RNFT2: variants seen among roughly 807,000 people sequenced by gnomAD.
The protein encoded by RNFT2 is ring finger protein, transmembrane 2.
RNFT2 carries 36 observed loss-of-function variants against 53.0 expected under a neutral mutation model. The ratio of observed to expected loss-of-function variants is 0.68; its 90% CI spans 0.52 to 0.90. The LOEUF (loss-of-function observed/expected upper bound fraction) is 0.90. Among genes scored for constraint, RNFT2 ranks in the 40% least tolerant of loss-of-function variants. The pLI, the probability that RNFT2 is intolerant of heterozygous loss-of-function variation, is 0.00. For missense variants in RNFT2, 514 were observed against 585.6 expected, an observed-to-expected ratio of 0.88 and a Z score of 1.26; for synonymous variants, 260 against 253.2, an observed-to-expected ratio of 1.03 and a Z score of -0.26.
intron 5 of RNFT2, among the ~76,000 whole-genome samples, chr12:116,759,263 C>T (rs907204404): frequency 2.0e-5 from 3 of 152,192 alleles, no homozygotes; most frequent in Admixed American, 1.3e-4. Flanking sequence ...CCCTTCACTT[C>T]TTGTATCATA....
At chr12:116,799,200 C>T (rs188622842) in intron 7 of RNFT2, among the ~76,000 whole-genome samples, 91 of 152,298 alleles carry the variant, frequency 6.0e-4, no homozygotes, top group South Asian at 1.0e-3. Context: ...CTAGAAGCCA[C>T]GCTCCAGTCC....
chr12:116,812,224 T>G (rs1875414353), intron 7 of RNFT2, among the ~76,000 whole-genome samples: 1 of 152,190 alleles, frequency 6.6e-6, no homozygotes, highest in African/African-American at 2.4e-5. Context: ...GAACACAGAC[T>G]TATTCCCTGC....
chr12:116,751,290 T>C (rs1872240836), intron 4 of RNFT2, among the ~76,000 whole-genome samples: 1 of 152,098 alleles, frequency 6.6e-6, no homozygotes, highest in African/African-American at 2.4e-5. Flanking sequence ...CAGCAAATGA[T>C]GAATAAATAC....
At chr12:116,755,984 G>A (rs1872493573) in intron 5 of RNFT2, 1 of 707,720 alleles carries the variant, frequency 1.4e-6, no homozygotes, top group Admixed American at 2.1e-5. Context: ...AGTATAGGTT[G>A]AAATCAGGTA....
chr12:116,744,998 G>T lies in RNFT2; in HGVS notation c.83+3904G>T, dbSNP rs143631617. Among the ~76,000 whole-genome samples the T allele has an allele frequency of 2.8e-3, 422 of 152,088 alleles. 2 individuals are homozygous for T. Among genetic ancestry groups the T allele is most frequent in the African/African-American group, 9.7e-3 (401 of 41,470 alleles). ...CTTTGAAGTGCAGAAAAAGCTCAAG[G>T]CCCCTTGAGGATCATAGCCATGGTG... is the stretch of plus-strand genomic sequence containing the variant. On this transcript the variant is annotated intron_variant, in intron 3 of 10. Coordinates refer to ENST00000257575, the MANE Select transcript of RNFT2 (RefSeq NM_001382266.1).
intron 6 of RNFT2, among the ~76,000 whole-genome samples, chr12:116,769,171 A>C (rs1276049070): frequency 1.3e-5 from 2 of 152,116 alleles, no homozygotes; most frequent in Non-Finnish European, 2.9e-5. Context: ...CACCCTGGCC[A>C]AGATAGTGAA....
intron 3 of RNFT2, 77 bp from the exon 4 acceptor site, chr12:116,749,764 T>C: frequency 8.0e-7 from 1 of 1,256,722 alleles, no homozygotes; most frequent in Non-Finnish European, 1.1e-6. Context: ...TTGATATTAT[T>C]AGTCCCCATC....
At position 116,779,108 on chromosome 12, in the gene RNFT2, A is replaced by G. The variant is rs1351989216; in HGVS notation, c.729-87A>G. The stretch of plus-strand genomic sequence containing the variant: ...CAGTTCAGCGCTCTTTCTACAGGTG[A>G]TACTTAGAAGGCTCCTGAGTGAGTA... On this transcript the variant is annotated intron_variant, in intron 6 of 10. Coordinates refer to ENST00000257575, the MANE Select transcript of RNFT2 (RefSeq NM_001382266.1). The G allele has an allele frequency of 7.9e-6, 11 of 1,395,474 alleles. No homozygotes were observed. The Admixed American group carries it at 9.2e-5, about 12-fold the overall frequency. 86.4% of individuals were successfully genotyped at this position (1,395,474 alleles called of 1,614,324 possible). A position where few individuals can be genotyped will look rare whatever the true frequency, so the allele number is the denominator to read the frequency against.
chr12:116,833,994 G>T, intron 8 of RNFT2, 53 bp downstream of exon 8: 1 of 1,506,426 alleles, frequency 6.6e-7, no homozygotes, highest in Non-Finnish European at 8.8e-7. Flanking sequence ...CCATTCACTA[G>T]TCAGGCCTCA....
intron 10 of RNFT2, among the ~76,000 whole-genome samples, chr12:116,845,268 TATATATAGAGAG>T (rs1452646611): frequency 8.6e-6 from 1 of 116,254 alleles, no homozygotes; most frequent in African/African-American, 5.4e-5. Flanking sequence ...AATATATATA[TATATATAGAGAG>T]AGAGAGAGAG....
At chr12:116,749,710 C>T (rs533777231) in intron 3 of RNFT2, 131 bp from the exon 4 acceptor site, 5 of 786,170 alleles carry the variant, frequency 6.4e-6, no homozygotes, top group Admixed American at 5.1e-5. Flanking sequence ...GGAGGAAGGA[C>T]TTCATGTGAA....
In RNFT2 at chr12:116,741,114, T is replaced by C. The variant is rs1348672035; in HGVS notation, c.83+20T>C. The C allele has an allele frequency of 1.2e-6, 2 of 1,601,018 alleles. No individual in the cohort carries two copies. ...TGAAAGGTAGGCATCCCTGCTTCTG[T>C]TCCATCTGAGGGCTCTAGGCTTCGG... On this transcript the variant is annotated intron_variant, in intron 3 of 10. Coordinates refer to ENST00000257575, the MANE Select transcript of RNFT2 (RefSeq NM_001382266.1).
At chr12:116,779,704 G>T (rs1454737853) in intron 7 of RNFT2, among the ~76,000 whole-genome samples, 1 of 152,168 alleles carries the variant, frequency 6.6e-6, no homozygotes, top group Non-Finnish European at 1.5e-5. Flanking sequence ...GCCCTAATAG[G>T]TTTTGACTCT....
At chr12:116,845,816 ACCC>A (rs1306702195) in intron 10 of RNFT2, among the ~76,000 whole-genome samples, 2 of 151,562 alleles carry the variant, frequency 1.3e-5, no homozygotes, top group Non-Finnish European at 2.9e-5. Context: ...TCTCCCCTGC[ACCC>A]CCAACTACAG....
At position 116,849,397 on chromosome 12, in the gene RNFT2, C is replaced by G. The variant is rs749838206; in HGVS notation, c.1284C>G (p.Thr428=). The G allele has an allele frequency of 6.3e-7, 1 of 1,575,092 alleles. No individual in the cohort carries two copies. Among genetic ancestry groups the G allele is most frequent in the South Asian group, 1.2e-5 (1 of 85,818 alleles). Residue 428 remains threonine, a synonymous_variant, in exon 11 of 11, where the codon ACC becomes ACG. Coordinates refer to ENST00000257575, the MANE Select transcript of RNFT2 (RefSeq NM_001382266.1). ...CPLCRSVAVD[T]LRCWKDGATS... ...TCTGCCGCTCGGTCGCCGTGGACACCCTGCGCTGCTGGAAGGACGGCGCCA... is the reference window on the plus strand; with the variant it reads ...TCTGCCGCTCGGTCGCCGTGGACACGCTGCGCTGCTGGAAGGACGGCGCCA...
At chr12:116,742,707 C>T (rs1413758924) in intron 3 of RNFT2, among the ~76,000 whole-genome samples, 2 of 152,064 alleles carry the variant, frequency 1.3e-5, no homozygotes, top group Non-Finnish European at 2.9e-5. Flanking sequence ...CTTTGGGAGA[C>T]CAAGGTGGGA....
intron 7 of RNFT2, among the ~76,000 whole-genome samples, chr12:116,818,513 G>C (rs921673590): frequency 3.9e-5 from 6 of 152,124 alleles, no homozygotes; most frequent in African/African-American, 1.2e-4. Flanking sequence ...TGGTGTGAGT[G>C]AGCAGTCTCT....
At chr12:116,788,776 T>G (rs768273667) in intron 7 of RNFT2, among the ~76,000 whole-genome samples, 7 of 151,768 alleles carry the variant, frequency 4.6e-5, no homozygotes, top group Non-Finnish European at 8.8e-5. Flanking sequence ...TATAGGTAGG[T>G]AGATAGATGA....
chr12:116,759,578 T>A (rs1872620412), intron 5 of RNFT2, among the ~76,000 whole-genome samples: 1 of 152,226 alleles, frequency 6.6e-6, no homozygotes. Flanking sequence ...CTCTTCCCCC[T>A]TTTCCTATGG....
Sources: gnomAD v4.1 joint callset for allele counts (sites outside exome capture counted in the v4.1 genomes callset) on GRCh38, gnomAD v4.1.1 for gene constraint, MANE v1.5 for transcripts, NCBI Gene and HGNC (gene_info 2026-07-23, HGNC 2026-07-21) for gene names.